Variants in ADCK1 observed in about 807,000 individuals in gnomAD.
ADCK1 encodes the protein aarF domain containing kinase 1.
A neutral mutation model predicts 52.3 loss-of-function variants in ADCK1; 41 were observed. The ratio of observed to expected loss-of-function variants is 0.78; its 90% CI spans 0.61 to 1.02. The LOEUF (loss-of-function observed/expected upper bound fraction) is 1.02, where lower values mean the gene tolerates loss of function less well. Ranked by LOEUF, ADCK1 falls within the 50% of genes least tolerant of loss-of-function variation. ADCK1 has a pLI of 0.00. For synonymous variants in ADCK1, 250 were observed against 274.6 expected, an observed-to-expected ratio of 0.91 and a Z score of 0.89; for missense variants, 658 against 679.5, an observed-to-expected ratio of 0.97 and a Z score of 0.35.
chr14:77,881,436 G>T (rs1342660772), intron 4 of ADCK1, among the ~76,000 whole-genome samples: 1 of 152,234 alleles, frequency 6.6e-6, no homozygotes, highest in African/African-American at 2.4e-5. Context: ...TGTGTTCTTT[G>T]TTGGGAGTGG....
chr14:77,927,302 C>T (rs1471199339), intron 9 of ADCK1, among the ~76,000 whole-genome samples: 1 of 152,260 alleles, frequency 6.6e-6, no homozygotes, highest in Non-Finnish European at 1.5e-5. Context: ...TCGGCTTCTA[C>T]AGCCTTGAAG....
At chr14:77,905,421 T>C (rs1039852181) in intron 6 of ADCK1, among the ~76,000 whole-genome samples, 3 of 150,936 alleles carry the variant, frequency 2.0e-5, no homozygotes, top group African/African-American at 4.9e-5. Context: ...AGCGATTCTC[T>C]TTCCTCAGCC....
chr14:77,909,148 T>TTC (rs1555358637), intron 7 of ADCK1, among the ~76,000 whole-genome samples: 11 of 148,794 alleles, frequency 7.4e-5, no homozygotes, highest in South Asian at 4.3e-4. Flanking sequence ...TTTTTTTTTT[T>TTC]CCCTGAGACG....
At chr14:77,818,790 T>A (rs182645916) in intron 1 of ADCK1, among the ~76,000 whole-genome samples, 178 bp from the exon 2 acceptor site, 38 of 152,308 alleles carry the variant, frequency 2.5e-4, no homozygotes, top group Admixed American at 5.2e-4. Flanking sequence ...TTTCATTTTA[T>A]CCCAACTACT....
chr14:77,847,225 G>A (rs568894602), intron 3 of ADCK1, among the ~76,000 whole-genome samples: 1 of 152,262 alleles, frequency 6.6e-6, no homozygotes, highest in South Asian at 2.1e-4. Context: ...GAGTGTAAGA[G>A]ATGAAGCCGC....
chr14:77,822,323 C>T (rs1566637168), intron 2 of ADCK1, 112 bp from the exon 3 acceptor site: 4 of 818,062 alleles, frequency 4.9e-6, no homozygotes, highest in Non-Finnish European at 8.4e-6. Flanking sequence ...GTGGGACTGG[C>T]CACTCCCCCA....
chr14:77,830,991 G>T (rs1051340311), intron 3 of ADCK1, among the ~76,000 whole-genome samples: 3 of 152,158 alleles, frequency 2.0e-5, no homozygotes, highest in Non-Finnish European at 1.5e-5. Flanking sequence ...ACCCTGCCAG[G>T]TGGTGATCAA....
chr14:77,916,305 C>A (rs528978661), intron 7 of ADCK1, among the ~76,000 whole-genome samples: 5 of 151,746 alleles, frequency 3.3e-5, no homozygotes, highest in Non-Finnish European at 4.4e-5. Context: ...GGCTCTCTGG[C>A]CAGAGAGACT....
intron 4 of ADCK1, among the ~76,000 whole-genome samples, chr14:77,885,731 A>G (rs751725901): frequency 6.6e-6 from 1 of 152,210 alleles, no homozygotes; most frequent in Non-Finnish European, 1.5e-5. Context: ...AGGGTGGGCC[A>G]GGACAGCAGG....
At chr14:77,862,566 C>T (rs563589221) in intron 4 of ADCK1, among the ~76,000 whole-genome samples, 2 of 152,324 alleles carry the variant, frequency 1.3e-5, no homozygotes, top group East Asian at 3.9e-4. Flanking sequence ...GCCTCAGCCA[C>T]GAGGCTGTTG....
Position 77,931,599 on chromosome 14 carries a change from C to T in ADCK1, c.1288C>T (p.Leu430Phe). The T allele has an allele frequency of 2.5e-6, 4 of 1,613,854 alleles. No individual in the cohort carries two copies. The highest frequency in any genetic ancestry group is 2.5e-6 in the Non-Finnish European group (3 of 1,180,042). The stretch of plus-strand genomic sequence containing the variant: ...CAACCACGTGCCGCGCCAGATGCTG[C>T]TCATCTTGAAGACCAACGACCTGCT... ...LLNHVPRQML[L>F]ILKTNDLLRG... Residue 430 changes from leucine to phenylalanine, a missense_variant, in exon 10 of 11, where the codon CTC becomes TTC. By Grantham distance (22) the Leu-to-Phe change is conservative. Coordinates refer to ENST00000238561, the MANE Select transcript of ADCK1 (RefSeq NM_020421.4).
At chr14:77,857,328 A>G (rs894507899) in intron 3 of ADCK1, among the ~76,000 whole-genome samples, 4 of 152,036 alleles carry the variant, frequency 2.6e-5, no homozygotes, top group Admixed American at 1.3e-4. Flanking sequence ...AAATTGTGCA[A>G]ATTTATGGGG....
At chr14:77,850,676 T>C (rs2082265719) in intron 3 of ADCK1, among the ~76,000 whole-genome samples, 1 of 143,500 alleles carries the variant, frequency 7.0e-6, no homozygotes. Context: ...TTTGAGATGG[T>C]GTCTTGCTCT....
At chr14:77,905,629 A>G (rs1285359305) in intron 6 of ADCK1, among the ~76,000 whole-genome samples, 2 of 151,968 alleles carry the variant, frequency 1.3e-5, no homozygotes, top group South Asian at 2.1e-4. Context: ...ACCCGAAAAT[A>G]TGTCCCATTC....
intron 3 of ADCK1, among the ~76,000 whole-genome samples, chr14:77,840,331 C>A (rs75042521): frequency 0.031 from 4,770 of 151,858 alleles, 148 homozygotes; most frequent in South Asian, 0.13. Context: ...GGGGAGAATT[C>A]TTTTCCTTTT....
chr14:77,863,381 A>G (rs915988714), intron 4 of ADCK1, among the ~76,000 whole-genome samples: 2 of 152,094 alleles, frequency 1.3e-5, no homozygotes, highest in African/African-American at 4.8e-5. Flanking sequence ...GCTTGGGGAT[A>G]GAGTTATCGT....
intron 4 of ADCK1, among the ~76,000 whole-genome samples, chr14:77,873,776 C>T (rs1479725417): frequency 6.6e-6 from 1 of 152,202 alleles, no homozygotes; most frequent in African/African-American, 2.4e-5. Context: ...TTTGCTTCCC[C>T]TTCTGCCACA....
intron 4 of ADCK1, among the ~76,000 whole-genome samples, chr14:77,875,486 T>C (rs996316319): frequency 2.8e-5 from 3 of 107,274 alleles, no homozygotes; most frequent in Non-Finnish European, 6.1e-5. Context: ...GGTTTCTAGA[T>C]ATTAAAAAAA....
intron 7 of ADCK1, among the ~76,000 whole-genome samples, chr14:77,914,854 C>T (rs1257795262): frequency 6.6e-6 from 1 of 152,144 alleles, no homozygotes; most frequent in Admixed American, 6.5e-5. Context: ...CTCTTTGCTC[C>T]CCTTCCTGCC....
Sources: allele counts gnomAD v4.1 joint callset (sites outside exome capture counted in the v4.1 genomes callset), GRCh38; gene constraint gnomAD v4.1.1; transcripts MANE v1.5; gene names NCBI Gene and HGNC (gene_info 2026-07-23, HGNC 2026-07-21).